Variants in TTN observed in about 807,000 individuals in gnomAD.
TTN encodes titin, also known as connectin.
Under a neutral mutation model 3,223.0 loss-of-function variants are expected in TTN, and 1,525 were observed. That is an observed-to-expected ratio of 0.47 (90% CI 0.45 to 0.49). TTN has a LOEUF of 0.49. Ranked by LOEUF, TTN falls within the 20% of genes least tolerant of loss-of-function variation. TTN has a pLI of 0.00. For synonymous variants in TTN, 14,094 were observed against 15,161.0 expected, an observed-to-expected ratio of 0.93 and a Z score of 5.17; for missense variants, 40,786 against 43,424.0, an observed-to-expected ratio of 0.94 and a Z score of 5.40.
intron 168 of TTN, 142 bp from the exon 169 acceptor site, chr2:178,664,240 C>T: frequency 1.1e-6 from 1 of 929,392 alleles, no homozygotes; most frequent in Non-Finnish European, 1.6e-6. Flanking sequence ...GGTGGTGTTT[C>T]AGGTTTTAGA....
intron 115 of TTN, 86 bp downstream of exon 115, chr2:178,695,262 G>T: frequency 1.9e-6 from 2 of 1,042,340 alleles, no homozygotes; most frequent in South Asian, 1.6e-5. Flanking sequence ...CTATTGGATT[G>T]AACTGCTGAT....
In TTN at chr2:178,553,238, T is replaced by C. The variant is rs1301171033; in HGVS notation, c.89662A>G (p.Ile29888Val). The C allele has an allele frequency of 1.2e-6, 2 of 1,613,332 alleles. No individual in the cohort carries two copies. Residue 29888 changes from isoleucine to valine, a missense_variant, in exon 335 of 363, where the codon ATT becomes GTT. Physicochemically the swap from Ile to Val is conservative, Grantham distance 29. Coordinates refer to ENST00000589042, the MANE Select transcript of TTN (RefSeq NM_001267550.2). ...KNLGSDARYS[I>V]ENTDSSSLLT... ...AATGAGGATGAATCAGTGTTTTCAA[T>C]GCTGTATCTGGCATCACTGCCAAGA...
In TTN at chr2:178,734,673, A is replaced by G. The variant is rs573282357; in HGVS notation, c.15217+34T>C. 10 of 1,573,966 alleles carry G rather than the reference A, an allele frequency of 6.4e-6. 1 individual carries two copies. The Middle Eastern group carries it at 5.1e-4, about 81-fold the overall frequency. On this transcript the variant is annotated intron_variant, in intron 51 of 362. Coordinates refer to ENST00000589042, the MANE Select transcript of TTN (RefSeq NM_001267550.2). ...GTAATTAAAAGGGAAATCTTTTCTC[A>G]GAAAAATACTGGATGGAAACTCAGT...
Position 178,535,858 on chromosome 2 carries a change from G to GGAA in TTN, c.100766-10_100766-9insTTC. On this transcript the variant is annotated splice_polypyrimidine_tract_variant and intron_variant, in intron 357 of 362. Transcript: ENST00000589042. ...GTGTATCTTAGCTGGAACTGTATCA[G>GGAA]AAAAAAAAAAAAAAAGAATATAATT... 8.1e-7 allele frequency: 1 copy of GGAA among 1,235,618 alleles called. No individual in the cohort carries two copies. 76.5% of individuals were successfully genotyped at this position (1,235,618 alleles called of 1,614,324 possible).
chr2:178,566,653 A>G lies in TTN; in HGVS notation c.79479T>C (p.Asn26493=). 6.2e-7 allele frequency: 1 copy of G among 1,613,010 alleles called. No individual in the cohort carries two copies. The highest frequency in any genetic ancestry group is 8.5e-7 in the Non-Finnish European group (1 of 1,179,666). The change falls in exon 326 of 363, where the codon AAT becomes AAC. Residue 26493 remains asparagine, a synonymous_variant. Transcript: ENST00000589042. The stretch of plus-strand genomic sequence containing the variant: ...TTTTAGTGGTGTCTACAATGTGTGC[A>G]TTGGTAGGTGGGCCAGGTTTGAACA... ...DPVFKPGPPT[N]AHIVDTTKNS...
intron 113 of TTN, 26 bp from the exon 114 acceptor site, chr2:178,696,295 C>T: frequency 6.8e-7 from 1 of 1,466,952 alleles, no homozygotes; most frequent in Non-Finnish European, 9.0e-7. Context: ...ATACTATTAG[C>T]ATATTAATTC....
chr2:178,666,700 G>C (rs2065984209), intron 163 of TTN, 124 bp downstream of exon 163: 3 of 736,752 alleles, frequency 4.1e-6, no homozygotes, highest in Non-Finnish European at 6.2e-6. Flanking sequence ...TTCTACTTGG[G>C]GGATCCATCT....
chr2:178,649,046 T>G (rs1159437908), intron 213 of TTN, among the ~76,000 whole-genome samples: 2 of 152,162 alleles, frequency 1.3e-5, no homozygotes, highest in Non-Finnish European at 2.9e-5. Context: ...TGTAGCCATG[T>G]GATATATCAC....
Position 178,593,955 on chromosome 2 carries a change from A to G in TTN, c.58432+6T>C. On this transcript the variant is annotated splice_donor_region_variant and intron_variant, in intron 297 of 362. Coordinates refer to ENST00000589042, the MANE Select transcript of TTN (RefSeq NM_001267550.2). ...AGATCTATTCTTTCCACTAAATAAG[A>G]CTTACCAACAACATTAACTTGACAG... is the stretch of plus-strand genomic sequence containing the variant. 6.2e-7 allele frequency: 1 copy of G among 1,613,144 alleles called. No homozygotes were observed. Among genetic ancestry groups the G allele is most frequent in the East Asian group, 2.2e-5 (1 of 44,758 alleles).
intron 138 of TTN, among the ~76,000 whole-genome samples, chr2:178,680,772 A>G (rs1251437958): frequency 6.6e-6 from 1 of 152,128 alleles, no homozygotes; most frequent in Non-Finnish European, 1.5e-5. Flanking sequence ...GTATCATTAC[A>G]TCATTTAGGT....
intron 88 of TTN, 47 bp downstream of exon 88, chr2:178,717,048 A>G (rs757439866): frequency 6.4e-7 from 1 of 1,555,380 alleles, no homozygotes; most frequent in Non-Finnish European, 8.7e-7. Flanking sequence ...ATATTTTAAG[A>G]TACTGAAAAT....
At chr2:178,695,784 T>C in intron 114 of TTN, 81 bp downstream of exon 114, 1 of 1,121,988 alleles carries the variant, frequency 8.9e-7, no homozygotes, top group South Asian at 2.7e-5. Context: ...AAACTGCAAA[T>C]CAGGTTCATA....
chr2:178,643,783 C>G (rs1169647726), intron 218 of TTN, among the ~76,000 whole-genome samples: 2 of 151,760 alleles, frequency 1.3e-5, no homozygotes, highest in African/African-American at 4.8e-5. Context: ...ATATGGGTGA[C>G]TTTTTTCCCC....
rs375000725 is a variant in TTN at position 178,599,260 on chromosome 2, T to G, written c.56533A>C (p.Thr18845Pro). 71 of 1,576,854 alleles carry G rather than the reference T, an allele frequency of 4.5e-5. No homozygotes were observed. Among genetic ancestry groups the G allele is most frequent in the Admixed American group, 7.8e-5 (4 of 51,580 alleles). ...VSSEPKECTY[T>P]IPKLLEGHEY... is the part of the protein sequence containing the mutation. ...TGGCCTTCTAGCAATTTGGGAATCGTGTACGTGCACTCCTTAGGTTCACTG... is the reference window on the plus strand; with the variant it reads ...TGGCCTTCTAGCAATTTGGGAATCGGGTACGTGCACTCCTTAGGTTCACTG... The change falls in exon 290 of 363, where the codon ACG (threonine) becomes CCG (proline). Residue 18845 changes from threonine (T) to proline (P), a missense_variant. By Grantham distance (38) the Thr-to-Pro change is conservative (BLOSUM62 -1). Coordinates refer to ENST00000589042, the MANE Select transcript of TTN (RefSeq NM_001267550.2).
At position 178,725,555 on chromosome 2, in the gene TTN, A is replaced by C. The variant is rs2079192299; in HGVS notation, c.20649T>G (p.Ile6883Met). ...LQASIEGAQP[I>M]FVQWLKEKEE... ...CCTTCTCTTTAAGCCACTGGACAAA[A>C]ATAGGCTGGGCGCCTTCTATGGATG... Residue 6883 changes from isoleucine to methionine, a missense_variant, in exon 71 of 363, where the codon ATT becomes ATG. Ile to Met is a conservative substitution (Grantham distance 10). Transcript: ENST00000589042. The C allele has an allele frequency of 6.2e-7, 1 of 1,613,238 alleles. No individual in the cohort carries two copies. Among genetic ancestry groups the C allele is most frequent in the Non-Finnish European group, 8.5e-7 (1 of 1,179,486 alleles).
chr2:178,563,036 A>T lies in TTN; in HGVS notation c.83096T>A (p.Ile27699Asn). 6.2e-7 allele frequency: 1 copy of T among 1,613,658 alleles called. No individual in the cohort carries two copies. The highest frequency in any genetic ancestry group is 8.5e-7 in the Non-Finnish European group (1 of 1,179,702). The change falls in exon 326 of 363, where the codon ATC becomes AAC. Residue 27699 changes from isoleucine to asparagine, a missense_variant. Ile to Asn is a moderately radical substitution (Grantham distance 149, BLOSUM62 -3). Transcript: ENST00000589042. This position sits in a 1 kb window ranked among gnomAD's most constrained non-coding sequence, Gnocchi z 4.5. ...AACTTCGGGTTCTGGTCGACCTTTGATAGTGACAAATAAGCGTAAAGTAGC... is the reference window on the plus strand; with the variant it reads ...AACTTCGGGTTCTGGTCGACCTTTGTTAGTGACAAATAAGCGTAAAGTAGC... The part of the protein sequence containing the change: ...ASATLRLFVT[I>N]KGRPEPEVKW...
At position 178,617,903 on chromosome 2, in the gene TTN, C is replaced by T. The variant is rs878891961; in HGVS notation, c.47448G>A (p.Leu15816=). Residue 15816 remains leucine (L), a synonymous_variant, in exon 253 of 363, where the codon CTG becomes CTA. Transcript: ENST00000589042. ...DTAMTVRAED[L]SATVTDVVEG... ...CTACCACATCAGTAACAGTTGCAGA[C>T]AGGTCTTCAGCTCTCACAGTCATGG... is the stretch of plus-strand genomic sequence containing the variant. 5 of 1,612,584 alleles carry T rather than the reference C, an allele frequency of 3.1e-6. No individual in the cohort carries two copies. Among genetic ancestry groups the T allele is most frequent in the Non-Finnish European group, 4.2e-6 (5 of 1,179,104 alleles).
intron 44 of TTN, 133 bp from the exon 45 acceptor site, chr2:178,758,049 G>C: frequency 2.1e-6 from 2 of 959,640 alleles, no homozygotes; most frequent in Non-Finnish European, 3.0e-6. Context: ...CCTTGTCCTT[G>C]TATGTCACTA....
chr2:178,546,052 G>A lies in TTN; in HGVS notation c.95184C>T (p.Ala31728=). 1 of 1,613,756 alleles carries A rather than the reference G, an allele frequency of 6.2e-7. No homozygotes were observed. ...CTCCGTCTTCCTGCGGAAGGCTCCA[G>A]GCTAAAGTGCACTTCTCCTGTGTTA... ...SRVTQEKCTL[A]WSLPQEDGGA... The change falls in exon 343 of 363, where the codon GCC becomes GCT. Residue 31728 remains alanine, a synonymous_variant. Transcript: ENST00000589042.
Sources: allele counts gnomAD v4.1 joint callset (sites outside exome capture counted in the v4.1 genomes callset), GRCh38; gene constraint gnomAD v4.1.1; non-coding constraint Gnocchi (gnomAD v3.1); transcripts MANE v1.5; gene names NCBI Gene and HGNC (gene_info 2026-07-23, HGNC 2026-07-21).